SLC35F4: variants seen among roughly 807,000 people sequenced by gnomAD.
The protein encoded by SLC35F4 is solute carrier family 35 member F4, also known as chromosome 14 open reading frame 36.
In SLC35F4, 24 loss-of-function variants were observed where a neutral mutation model predicts 44.2. The observed-to-expected ratio is 0.54, with a 90% CI of 0.39 to 0.76. SLC35F4 has a LOEUF of 0.76. Ranked by LOEUF, SLC35F4 falls within the 30% of genes least tolerant of loss-of-function variation. The pLI, the probability that SLC35F4 is intolerant of heterozygous loss-of-function variation, is 0.00. For missense variants in SLC35F4, 562 were observed against 586.1 expected (o/e 0.96, Z 0.42); for synonymous variants, 238 against 223.6 (o/e 1.06, Z -0.57).
In SLC35F4 at chr14:57,673,465, G is replaced by C. The variant is rs117963166; in HGVS notation, c.104-79341C>G. Reference sequence around the variant, plus strand: ...ATGGGGCTCATAATACCTTTCATAGGGTCCAGGTATGCATTAAAGGTGATA... The same window carrying C: ...ATGGGGCTCATAATACCTTTCATAGCGTCCAGGTATGCATTAAAGGTGATA... On this transcript the variant is annotated intron_variant, in intron 1 of 7. Transcript: ENST00000556826. Among the ~76,000 whole-genome samples, 1,034 of 152,150 alleles carry C rather than the reference G, an allele frequency of 6.8e-3. 15 individuals are homozygous for C. The highest frequency in any genetic ancestry group is 0.023 in the African/African-American group (964 of 41,460).
chr14:57,681,730 A>C (rs2074910715), intron 1 of SLC35F4, among the ~76,000 whole-genome samples: 1 of 152,156 alleles, frequency 6.6e-6, no homozygotes, highest in Admixed American at 6.5e-5. Flanking sequence ...AATGGGAGAA[A>C]ATTTTTGCAA....
At chr14:57,617,704 G>T (rs1346780510) in intron 1 of SLC35F4, among the ~76,000 whole-genome samples, 1 of 152,160 alleles carries the variant, frequency 6.6e-6, no homozygotes, top group Non-Finnish European at 1.5e-5. Flanking sequence ...GGTAGAGTGG[G>T]TCTGTATGAG....
At chr14:57,764,096 C>T (rs2077183318) in intron 1 of SLC35F4, among the ~76,000 whole-genome samples, 1 of 152,146 alleles carries the variant, frequency 6.6e-6, no homozygotes, top group South Asian at 2.1e-4. Context: ...CAACTGTCAG[C>T]CATGTGATTG....
chr14:57,778,870 CT>C (rs1484878644), intron 1 of SLC35F4, among the ~76,000 whole-genome samples: 2 of 152,132 alleles, frequency 1.3e-5, no homozygotes, highest in African/African-American at 4.8e-5. Context: ...TCCTGAATGA[CT>C]TTTGGGTAAG....
chr14:57,920,790 C>T (rs533243452), intron 1 of SLC35F4, among the ~76,000 whole-genome samples: 7 of 152,296 alleles, frequency 4.6e-5, no homozygotes, highest in South Asian at 4.1e-4. Flanking sequence ...TAATGGGACA[C>T]CTTCTAGCCC....
chr14:57,905,820 G>A lies in SLC35F4; in HGVS notation n.282+76093C>T, dbSNP rs183246072. Among the ~76,000 whole-genome samples, 11 of 152,336 alleles carry A rather than the reference G, an allele frequency of 7.2e-5. No individual in the cohort carries two copies. In the East Asian group the frequency reaches 2.1e-3, roughly 29 times the overall value. On this transcript the variant is annotated intron_variant and non_coding_transcript_variant, in intron 1 of 1. Transcript: ENST00000556568. ...GAAAAAGACAGTGGAGAGCAGATCAGAGAGGATGTGCCAGCTACAGGAGAC... is the reference window on the plus strand; with the variant it reads ...GAAAAAGACAGTGGAGAGCAGATCAAAGAGGATGTGCCAGCTACAGGAGAC...
At chr14:57,855,639 C>T (rs943213305) in intron 1 of SLC35F4, among the ~76,000 whole-genome samples, 4 of 152,132 alleles carry the variant, frequency 2.6e-5, no homozygotes, top group African/African-American at 9.7e-5. Context: ...GGCGATTCCT[C>T]AAGGATCTAG....
At chr14:57,768,939 G>C (rs140838505) in intron 1 of SLC35F4, among the ~76,000 whole-genome samples, 3,120 of 152,082 alleles carry the variant, frequency 0.021, 92 homozygotes, top group African/African-American at 0.07. Flanking sequence ...TTTTAGTAGC[G>C]ATAGGGTTTC....
At chr14:57,640,987 C>A (rs568126922) in intron 1 of SLC35F4, among the ~76,000 whole-genome samples, 44 of 152,030 alleles carry the variant, frequency 2.9e-4, no homozygotes, top group African/African-American at 1.0e-3. Flanking sequence ...TGACTCTGCA[C>A]ACCAATATAA....
At chr14:57,708,592 C>T (rs1024663014) in intron 1 of SLC35F4, among the ~76,000 whole-genome samples, 2 of 152,250 alleles carry the variant, frequency 1.3e-5, no homozygotes, top group Admixed American at 6.5e-5. Context: ...AGATGAGAAA[C>T]TTGTTGGGAA....
intron 4 of SLC35F4, among the ~76,000 whole-genome samples, chr14:57,572,566 T>G (rs1207285034): frequency 6.6e-6 from 1 of 152,164 alleles, no homozygotes; most frequent in Non-Finnish European, 1.5e-5. Context: ...CTCATAGAGA[T>G]GTATAAAGGA....
intron 1 of SLC35F4, among the ~76,000 whole-genome samples, chr14:57,860,487 C>A (rs899224045): frequency 1.3e-5 from 2 of 152,170 alleles, no homozygotes; most frequent in African/African-American, 4.8e-5. Flanking sequence ...GATTTCAACT[C>A]TCTTTTTCAC....
At chr14:57,771,561 C>A (rs1376908572) in intron 1 of SLC35F4, among the ~76,000 whole-genome samples, 14 of 32,402 alleles carry the variant, frequency 4.3e-4, no homozygotes. Flanking sequence ...TGTCACTTCA[C>A]AAATTTTTTC....
intron 1 of SLC35F4, among the ~76,000 whole-genome samples, chr14:57,941,480 A>G (rs917798757): frequency 2.6e-5 from 4 of 152,230 alleles, no homozygotes; most frequent in Admixed American, 2.0e-4. Context: ...AATTTTGAGA[A>G]TAGGTAAATA....
intron 1 of SLC35F4, among the ~76,000 whole-genome samples, chr14:57,856,629 T>C (rs1221891119): frequency 6.6e-6 from 1 of 152,076 alleles, no homozygotes; most frequent in Non-Finnish European, 1.5e-5. Flanking sequence ...AGTATTAACA[T>C]AGACCTTATG....
At chr14:57,777,818 A>G (rs2077525736) in intron 1 of SLC35F4, among the ~76,000 whole-genome samples, 1 of 151,864 alleles carries the variant, frequency 6.6e-6, no homozygotes, top group Non-Finnish European at 1.5e-5. Context: ...CAAGCCGGAT[A>G]AAGAAAGGCA....
intron 1 of SLC35F4, among the ~76,000 whole-genome samples, chr14:57,664,559 C>A (rs748463492): frequency 1.3e-5 from 2 of 152,252 alleles, no homozygotes; most frequent in African/African-American, 4.8e-5. Flanking sequence ...CAGGCACACA[C>A]CACAATGCCC....
chr14:57,863,663 A>G (rs901261718), intron 1 of SLC35F4, among the ~76,000 whole-genome samples: 9 of 152,172 alleles, frequency 5.9e-5, no homozygotes, highest in African/African-American at 1.9e-4. Context: ...TTAGGACAGG[A>G]TTATTTCATG....
chr14:57,589,366 G>A lies in SLC35F4; in HGVS notation c.437C>T (p.Thr146Ile), dbSNP rs1407692651. The change falls in exon 3 of 8, where the codon ACA becomes ATA. Residue 146 changes from threonine (T) to isoleucine (I), a missense_variant. By Grantham distance (89) the Thr-to-Ile change is moderately conservative (BLOSUM62 -1). Coordinates refer to ENST00000556826, the MANE Select transcript of SLC35F4 (RefSeq NM_001306087.2). ...CTTATAAGTAATTTTTACAATCTGTGTAGTTCCAACCCAAGATGATGATAC... is the reference window on the plus strand; with the variant it reads ...CTTATAAGTAATTTTTACAATCTGTATAGTTCCAACCCAAGATGATGATAC... ...LSVSSSWVGT[T>I]QIVKITYKNF... The A allele has an allele frequency of 3.7e-6, 6 of 1,613,828 alleles. No individual in the cohort carries two copies. Among genetic ancestry groups the A allele is most frequent in the Non-Finnish European group, 5.1e-6 (6 of 1,179,876 alleles).
Sources: gnomAD v4.1 joint callset for allele counts (sites outside exome capture counted in the v4.1 genomes callset) on GRCh38, gnomAD v4.1.1 for gene constraint, MANE v1.5 for transcripts, NCBI Gene and HGNC (gene_info 2026-07-23, HGNC 2026-07-21) for gene names.